Variants in PLXND1 observed in about 807,000 individuals in gnomAD.
PLXND1 encodes the protein plexin D1.
PLXND1 carries 54 observed loss-of-function variants against 197.7 expected under a neutral mutation model. That is an observed-to-expected ratio of 0.27 (90% confidence interval 0.22 to 0.34). PLXND1 has a LOEUF of 0.34. Ranked by LOEUF, PLXND1 falls within the 10% of genes least tolerant of loss-of-function variation. The pLI, the probability that PLXND1 is intolerant of heterozygous loss-of-function variation, is 1.00. For missense variants in PLXND1, 2,127 were observed against 2,699.2 expected (o/e 0.79, Z 4.70); for synonymous variants, 1,180 against 1,161.2 (o/e 1.02, Z -0.33).
Position 129,562,237 on chromosome 3 carries a change from G to A in PLXND1, c.4826-334C>T, listed in dbSNP as rs527788261. 4.0e-5 allele frequency among the ~76,000 whole-genome samples: 6 copies of A among 151,306 alleles called. No homozygotes were observed. The South Asian group carries it at 8.5e-4, about 22-fold the overall frequency. ...TCCTATAAAACCCACTCCAGGCCCC[G>A]CGCGGTGGCTCACACCTGTAATCCC... On this transcript the variant is annotated intron_variant, in intron 27 of 35. Coordinates refer to ENST00000324093, the MANE Select transcript of PLXND1 (RefSeq NM_015103.3).
chr3:129,594,070 C>T (rs894654142), intron 1 of PLXND1, among the ~76,000 whole-genome samples: 30 of 152,290 alleles, frequency 2.0e-4, no homozygotes, highest in South Asian at 2.1e-4. Flanking sequence ...GCAGACCCAC[C>T]GCAGGTGGCA....
chr3:129,574,359 A>G lies in PLXND1; in HGVS notation c.2662T>C (p.Cys888Arg). The change falls in exon 12 of 36, where the codon TGC becomes CGC. Residue 888 changes from cysteine to arginine, a missense_variant. Coordinates refer to ENST00000324093, the MANE Select transcript of PLXND1 (RefSeq NM_015103.3). The stretch of plus-strand genomic sequence containing the variant: ...ACCGCGTGGATCTCGGGGGCGGGGC[A>G]GGTGCCAGCCATGGGCTGCAGAGGC... The part of the protein sequence containing the change: ...RGPLQPMAGT[C>R]PAPEIHAIEP... 1 of 1,608,234 alleles carries G rather than the reference A, an allele frequency of 6.2e-7. No homozygotes were observed. The highest frequency in any genetic ancestry group is 8.5e-7 in the Non-Finnish European group (1 of 1,177,960).
In PLXND1 at chr3:129,555,803, G is replaced by T; in HGVS notation, c.*509C>A. On this transcript the variant is annotated 3_prime_UTR_variant, in exon 36 of 36. Coordinates refer to ENST00000324093, the MANE Select transcript of PLXND1 (RefSeq NM_015103.3). ...ACTACTTGAAACTGTCTGTGGCCAG[G>T]ATCCTCTACGGGTGAGGGGGAAGTG... 2.3e-6 allele frequency: 1 copy of T among 429,064 alleles called. No homozygotes were observed. The allele number at this position is 429,064 out of a possible 1,614,324, so 26.6% of individuals were successfully genotyped here.
At chr3:129,599,332 A>C (rs2108804435) in intron 1 of PLXND1, among the ~76,000 whole-genome samples, 1 of 152,336 alleles carries the variant, frequency 6.6e-6, no homozygotes, top group South Asian at 2.1e-4. Context: ...AGCCCACTTT[A>C]TAGATGGGAA....
intron 17 of PLXND1, 60 bp downstream of exon 17, chr3:129,571,449 T>C: frequency 1.9e-6 from 3 of 1,552,376 alleles, no homozygotes; most frequent in Non-Finnish European, 2.7e-6. Flanking sequence ...CCTGGTCAGT[T>C]AGGGCCCTGG....
intron 22 of PLXND1, 101 bp downstream of exon 22, chr3:129,567,391 G>A: frequency 1.4e-6 from 1 of 710,878 alleles, no homozygotes. Flanking sequence ...GTGCAGGTTT[G>A]GCACTGCTCA....
chr3:129,571,915 C>T (rs2085239996), intron 15 of PLXND1, 71 bp from the exon 16 acceptor site: 3 of 1,459,848 alleles, frequency 2.1e-6, no homozygotes, highest in South Asian at 1.2e-5. Flanking sequence ...CCCCTGAGAC[C>T]TGGGGCACAA....
intron 5 of PLXND1, among the ~76,000 whole-genome samples, chr3:129,585,463 G>A (rs10934887): frequency 0.095 from 14,396 of 152,288 alleles, 906 homozygotes; most frequent in East Asian, 0.26. Context: ...TGCATTGCAG[G>A]TTTATCTGTT....
In PLXND1 at chr3:129,600,745, GC is replaced by G. The variant is rs776188097; in HGVS notation, c.1311+4583del. Among the ~76,000 whole-genome samples, 6 of 151,656 alleles carry G rather than the reference GC, an allele frequency of 4.0e-5. No individual in the cohort carries two copies. The East Asian group carries it at 7.8e-4, about 20-fold the overall frequency. ...CTTCGTCACTGGGAGATCACTCCCA[GC>G]CCCCAGCCCAAACCCAAATGTAAAG... On this transcript the variant is annotated intron_variant, in intron 1 of 35. Transcript: ENST00000324093.
In PLXND1 at chr3:129,565,421, C is replaced by T. The variant is rs761918376; in HGVS notation, c.4440G>A (p.Lys1480=). The change falls in exon 25 of 36, where the codon AAG becomes AAA. Residue 1480 remains lysine, a synonymous_variant. Coordinates refer to ENST00000324093, the MANE Select transcript of PLXND1 (RefSeq NM_015103.3). ...LIDASAAKNP[K]LMLRRTESVV... ...CAGACTCTGTGCGCCGCAGCATGAGCTTGGGGTTCTTGGCGGCCGAGGCGT... is the reference window on the plus strand; with the variant it reads ...CAGACTCTGTGCGCCGCAGCATGAGTTTGGGGTTCTTGGCGGCCGAGGCGT... 6.2e-7 allele frequency: 1 copy of T among 1,614,144 alleles called. No homozygotes were observed. The highest frequency in any genetic ancestry group is 8.5e-7 in the Non-Finnish European group (1 of 1,180,026).
intron 13 of PLXND1, 136 bp downstream of exon 13, chr3:129,573,458 G>A (rs2085266251): frequency 2.3e-6 from 2 of 873,810 alleles, no homozygotes. Context: ...CTTCGGCACA[G>A]GCCTGGAGGC....
At chr3:129,597,800 G>A (rs576581328) in intron 1 of PLXND1, among the ~76,000 whole-genome samples, 3 of 152,352 alleles carry the variant, frequency 2.0e-5, no homozygotes, top group African/African-American at 7.2e-5. Context: ...GCTGTACTTG[G>A]GGGGCAGTGA....
At position 129,574,483 on chromosome 3, in the gene PLXND1, G is replaced by A; in HGVS notation, c.2538C>T (p.Val846=). ...CGGGGCTGCCCATGGCACAGTTATA[G>A]ACCATGACTGGGGAGACACGGGGCA... ...LDSPEPMTVM[V]YNCAMGSPDC... is the part of the protein sequence containing the mutation. The change falls in exon 12 of 36, where the codon GTC becomes GTT. Residue 846 remains valine, a synonymous_variant. Transcript: ENST00000324093. 1 of 1,612,734 alleles carries A rather than the reference G, an allele frequency of 6.2e-7. No homozygotes were observed. Among genetic ancestry groups the A allele is most frequent in the Non-Finnish European group, 8.5e-7 (1 of 1,179,684 alleles).
intron 22 of PLXND1, among the ~76,000 whole-genome samples, chr3:129,567,108 G>A (rs1256252999): frequency 6.6e-6 from 1 of 152,118 alleles, no homozygotes; most frequent in Non-Finnish European, 1.5e-5. Context: ...CAGGAGTCCA[G>A]TGGACAGGAG....
At position 129,557,068 on chromosome 3, in the gene PLXND1, G is replaced by A. The variant is rs201369629; in HGVS notation, c.5586+15C>T. ...GCTCTTCAGGCCCCCATCCCCCGCC[G>A]CCGAGCCACCGCACCCTCGACTCCT... is the stretch of plus-strand genomic sequence containing the variant. On this transcript the variant is annotated intron_variant, in intron 34 of 35. Transcript: ENST00000324093. The surrounding 1 kb of genome is among the most constrained non-coding windows in gnomAD (Gnocchi z 4.8). 6.2e-4 allele frequency: 997 copies of A among 1,609,150 alleles called. 3 individuals carry two copies. The highest frequency in any genetic ancestry group is 3.9e-4 in the Non-Finnish European group (461 of 1,177,808).
chr3:129,560,216 C>A, intron 31 of PLXND1, 114 bp downstream of exon 31: 1 of 679,432 alleles, frequency 1.5e-6, no homozygotes, highest in South Asian at 1.8e-5. Context: ...ACAGGAAGAA[C>A]TCACACCCCT....
chr3:129,560,186 C>T, intron 31 of PLXND1, 144 bp downstream of exon 31: 1 of 625,324 alleles, frequency 1.6e-6, no homozygotes, highest in Admixed American at 2.9e-5. Context: ...GCCTCTTGCC[C>T]CTCCAGCCCC....
Position 129,586,582 on chromosome 3 carries a change from C to A in PLXND1, c.1620+6G>T. On this transcript the variant is annotated splice_donor_region_variant and intron_variant, in intron 3 of 35. Transcript: ENST00000324093. The stretch of plus-strand genomic sequence containing the variant: ...GGATGGCGTTGGGCTGGGGCTCTGG[C>A]CTCACCTGGTGGGACGTCATCAGGT... 6.4e-7 allele frequency: 1 copy of A among 1,564,718 alleles called. No individual in the cohort carries two copies. The highest frequency in any genetic ancestry group is 2.3e-5 in the East Asian group (1 of 42,820).
chr3:129,563,098 G>A lies in PLXND1; in HGVS notation c.4664C>T (p.Pro1555Leu), dbSNP rs2085086444. 1 of 1,613,620 alleles carries A rather than the reference G, an allele frequency of 6.2e-7. No homozygotes were observed. The highest frequency in any genetic ancestry group is 8.5e-7 in the Non-Finnish European group (1 of 1,179,814). Residue 1555 changes from proline to leucine, a missense_variant, in exon 26 of 36, where the codon CCC becomes CTC. Physicochemically the swap from Pro to Leu is moderately conservative, Grantham distance 98. This residue lies in a region of PLXND1 where 532 missense variants were observed against 811.0 expected (regional missense o/e 0.66). Transcript: ENST00000324093. ...WLLRENIEAK[P>L]RNLNVSFQGC... is the part of the protein sequence containing the mutation. ...CTCCCCGCCCTGCCGACTTACCCGG[G>A]GCTTGGCCTCGATGTTCTCCCGCAG...
Sources: gnomAD v4.1 joint callset for allele counts (sites outside exome capture counted in the v4.1 genomes callset) on GRCh38, gnomAD v4.1.1 for gene constraint, gnomAD v4.1.1 regional missense constraint, Gnocchi (gnomAD v3.1) non-coding constraint, MANE v1.5 for transcripts, NCBI Gene and HGNC (gene_info 2026-07-23, HGNC 2026-07-21) for gene names.